The following CNTNAP2 variants were observed in gnomAD, a reference collection of about 807,000 sequenced individuals.
The protein encoded by CNTNAP2 is contactin associated protein 2, also known as contactin-associated protein-like 2.
Under a neutral mutation model 155.2 loss-of-function variants are expected in CNTNAP2, and 98 were observed. The observed-to-expected ratio is 0.63, with a 90% confidence interval of 0.54 to 0.75. The LOEUF (loss-of-function observed/expected upper bound fraction) is 0.75, where lower values mean the gene tolerates loss of function less well. CNTNAP2 is among the 30% of genes least tolerant of loss of function. CNTNAP2 has a pLI of 0.00. For synonymous variants in CNTNAP2, 651 were observed against 631.2 expected (o/e 1.03, Z -0.47); for missense variants, 1,727 against 1,688.1 (o/e 1.02, Z -0.40).
chr7:146,792,620 A>G (rs1802694614), intron 2 of CNTNAP2, among the ~76,000 whole-genome samples: 1 of 152,298 alleles, frequency 6.6e-6, no homozygotes, highest in Admixed American at 6.5e-5. Context: ...ACATACCACC[A>G]CTAAAGATTC....
chr7:148,172,795 G>C (rs1448686969), intron 18 of CNTNAP2, among the ~76,000 whole-genome samples: 1 of 152,108 alleles, frequency 6.6e-6, no homozygotes, highest in Admixed American at 6.5e-5. Flanking sequence ...CTTCAAAAGG[G>C]GAATCAGGCC....
chr7:147,465,778 C>A (rs80039299), intron 10 of CNTNAP2, among the ~76,000 whole-genome samples: 2,450 of 152,286 alleles, frequency 0.016, 74 homozygotes, highest in African/African-American at 0.055. Context: ...AGACTTAATT[C>A]AGCAAATCAT....
At chr7:146,617,957 G>A (rs1799254107) in intron 1 of CNTNAP2, among the ~76,000 whole-genome samples, 2 of 151,880 alleles carry the variant, frequency 1.3e-5, no homozygotes, top group Non-Finnish European at 2.9e-5. Context: ...ATATATATTT[G>A]GATTTTATTG....
chr7:148,217,496 C>T lies in CNTNAP2; in HGVS notation c.3219C>T (p.Asp1073=), dbSNP rs1329321820. The change falls in exon 19 of 24, where the codon GAC becomes GAT. Residue 1073 remains aspartate (D), a synonymous_variant. Transcript: ENST00000361727. Reference sequence around the variant, plus strand: ...TCTACATCAGCTCCTTCACCACAGACTTCTTGGCAGTCCTCGTCAAACCCA... The same window carrying T: ...TCTACATCAGCTCCTTCACCACAGATTTCTTGGCAGTCCTCGTCAAACCCA... ...ILLYISSFTT[D]FLAVLVKPTG... The T allele has an allele frequency of 1.2e-6, 2 of 1,614,212 alleles. No homozygotes were observed. The highest frequency in any genetic ancestry group is 8.5e-7 in the Non-Finnish European group (1 of 1,180,040).
chr7:147,581,561 G>A (rs140169011), intron 12 of CNTNAP2, among the ~76,000 whole-genome samples: 1 of 152,072 alleles, frequency 6.6e-6, no homozygotes, highest in Non-Finnish European at 1.5e-5. Flanking sequence ...AAGACCCCTG[G>A]TCAACCAAGA....
chr7:147,602,471 TTCA>T (rs1800967882), intron 12 of CNTNAP2, among the ~76,000 whole-genome samples: 1 of 144,170 alleles, frequency 6.9e-6, no homozygotes. Flanking sequence ...ATATTTTACA[TTCA>T]TCAGTTCATC....
At chr7:148,090,961 T>C (rs1284479937) in intron 15 of CNTNAP2, among the ~76,000 whole-genome samples, 2 of 152,030 alleles carry the variant, frequency 1.3e-5, no homozygotes, top group African/African-American at 4.8e-5. Context: ...TTACATAAAA[T>C]AAACTAGGCA....
intron 13 of CNTNAP2, among the ~76,000 whole-genome samples, chr7:147,899,235 G>A (rs1410783371): frequency 6.6e-6 from 1 of 152,204 alleles, no homozygotes; most frequent in Non-Finnish European, 1.5e-5. Flanking sequence ...AGCTACTCAG[G>A]AGGCTGAGGT....
At chr7:146,650,371 A>G (rs1799888294) in intron 1 of CNTNAP2, among the ~76,000 whole-genome samples, 1 of 152,186 alleles carries the variant, frequency 6.6e-6, no homozygotes, top group Non-Finnish European at 1.5e-5. Context: ...GCCATAAAAA[A>G]TATGAGTTCA....
At chr7:148,343,446 C>T (rs900813575) in intron 21 of CNTNAP2, among the ~76,000 whole-genome samples, 1 of 152,214 alleles carries the variant, frequency 6.6e-6, no homozygotes, top group Non-Finnish European at 1.5e-5. Context: ...GGGTCATACT[C>T]ATCTTTCCAT....
In CNTNAP2 at chr7:147,040,606, G is replaced by A. The variant is rs181536100; in HGVS notation, c.403-3301G>A. 2.2e-3 allele frequency among the ~76,000 whole-genome samples: 331 copies of A among 151,680 alleles called. 1 individual carries two copies. The highest frequency in any genetic ancestry group is 4.0e-3 in the Admixed American group (61 of 15,212). On this transcript the variant is annotated intron_variant, in intron 3 of 23. Transcript: ENST00000361727. ...CTTCCAAGTAGCTGGGATTACAGGC[G>A]TGCATGACCACACCTGGCTGATTTT... is the stretch of plus-strand genomic sequence containing the variant.
rs568994530 is a variant in CNTNAP2, at chr7:146,910,926, C to T, written c.402+71022C>T. Among the ~76,000 whole-genome samples, 8 of 151,136 alleles carry T rather than the reference C, an allele frequency of 5.3e-5. 1 individual carries two copies. Among genetic ancestry groups the T allele is most frequent in the African/African-American group, 2.0e-4 (8 of 40,532 alleles). Reference sequence around the variant, plus strand: ...ACTCATCTGACAAAGAGCTAATATCCAGAATCTGCAATGAACTCAAACAAA... The same window carrying T: ...ACTCATCTGACAAAGAGCTAATATCTAGAATCTGCAATGAACTCAAACAAA... On this transcript the variant is annotated intron_variant, in intron 3 of 23. Coordinates refer to ENST00000361727, the MANE Select transcript of CNTNAP2 (RefSeq NM_014141.6).
intron 1 of CNTNAP2, among the ~76,000 whole-genome samples, chr7:146,217,541 G>A (rs571017686): frequency 8.5e-5 from 13 of 152,198 alleles, no homozygotes; most frequent in South Asian, 4.1e-4. Flanking sequence ...AACCTGAGGC[G>A]CAGGGAAATT....
intron 8 of CNTNAP2, among the ~76,000 whole-genome samples, chr7:147,249,604 T>TA (rs755601249): frequency 0.15 from 10,677 of 69,886 alleles, 944 homozygotes; most frequent in Middle Eastern, 0.29. Context: ...ACATTGGAGG[T>TA]AAAAAAAAAA....
Position 147,277,203 on chromosome 7 carries a change from A to G in CNTNAP2, c.1349-22938A>G, listed in dbSNP as rs182883388. 6.4e-4 allele frequency among the ~76,000 whole-genome samples: 97 copies of G among 152,112 alleles called. 1 individual carries two copies. On this transcript the variant is annotated intron_variant, in intron 8 of 23. Coordinates refer to ENST00000361727, the MANE Select transcript of CNTNAP2 (RefSeq NM_014141.6). ...CTATGGCTATGTACACATAATTTGT[A>G]ATCAAGTTCATGCATGAGTAGCTGA...
At chr7:146,830,321 G>A (rs577661893) in intron 2 of CNTNAP2, among the ~76,000 whole-genome samples, 3 of 152,078 alleles carry the variant, frequency 2.0e-5, no homozygotes, top group South Asian at 4.2e-4. Flanking sequence ...GGAAAAGGAC[G>A]GTGATTTTTG....
At chr7:147,923,205 G>A (rs751663410) in intron 14 of CNTNAP2, among the ~76,000 whole-genome samples, 40 of 152,286 alleles carry the variant, frequency 2.6e-4, no homozygotes, top group Middle Eastern at 6.8e-3. Flanking sequence ...TATTGTGAAC[G>A]TGACATGTTT....
intron 12 of CNTNAP2, among the ~76,000 whole-genome samples, chr7:147,602,443 T>C (rs1313951521): frequency 6.6e-6 from 1 of 151,764 alleles, no homozygotes; most frequent in Non-Finnish European, 1.5e-5. Context: ...GCAATTAATA[T>C]AAAAGTTTAT....
At chr7:147,129,314 T>A (rs1801301948) in intron 7 of CNTNAP2, among the ~76,000 whole-genome samples, 1 of 152,244 alleles carries the variant, frequency 6.6e-6, no homozygotes, top group Non-Finnish European at 1.5e-5. Flanking sequence ...AGCAAATCTC[T>A]AACCAGACTA....
Sources: allele counts gnomAD v4.1 joint callset (sites outside exome capture counted in the v4.1 genomes callset), GRCh38; gene constraint gnomAD v4.1.1; transcripts MANE v1.5; gene names NCBI Gene and HGNC (gene_info 2026-07-23, HGNC 2026-07-21).